The following ZDHHC13 variants were observed in gnomAD, a reference collection of about 807,000 sequenced individuals.
ZDHHC13 encodes palmitoyltransferase ZDHHC13.
ZDHHC13 carries 85 observed loss-of-function variants against 86.0 expected under a neutral mutation model. That is an observed-to-expected ratio of 0.99 (90% CI 0.83 to 1.18). The LOEUF is 1.18. ZDHHC13 is among the 50% of genes most tolerant of loss of function. ZDHHC13 has a pLI of 0.00. For synonymous variants in ZDHHC13, 263 were observed against 246.4 expected (o/e 1.07, Z -0.63); for missense variants, 711 against 730.2 (o/e 0.97, Z 0.30).
At chr11:19,166,243 T>C in intron 13 of ZDHHC13, 59 bp from the exon 14 acceptor site, 2 of 1,392,458 alleles carry the variant, frequency 1.4e-6, no homozygotes, top group South Asian at 1.3e-5. Context: ...AAGGAGGTCT[T>C]ATGTTGAAAA....
At chr11:19,124,106 C>G (rs894307323) in intron 1 of ZDHHC13, among the ~76,000 whole-genome samples, 2 of 151,882 alleles carry the variant, frequency 1.3e-5, no homozygotes, top group Non-Finnish European at 2.9e-5. Flanking sequence ...TGAAATCAAC[C>G]TGTGTCTCTA....
Position 19,176,108 on chromosome 11 carries a change from T to TA in ZDHHC13, c.*151dup. The TA allele has an allele frequency of 1.3e-6, 1 of 750,598 alleles. No individual in the cohort carries two copies. The allele number at this position is 750,598 out of a possible 1,614,324, so 46.5% of individuals were successfully genotyped here. A position where few individuals can be genotyped will look rare whatever the true frequency, so the allele number is the denominator to read the frequency against. The stretch of plus-strand genomic sequence containing the variant: ...GCCATTAGGTAAAAAAAGTTCTCAA[T>TA]AAAGGCATTACAATTTTTTAGGTTT... On this transcript the variant is annotated 3_prime_UTR_variant, in exon 17 of 17. Coordinates refer to ENST00000446113, the MANE Select transcript of ZDHHC13 (RefSeq NM_019028.3).
intron 1 of ZDHHC13, among the ~76,000 whole-genome samples, chr11:19,119,442 C>T (rs1031614919): frequency 2.0e-5 from 3 of 152,170 alleles, no homozygotes; most frequent in Non-Finnish European, 4.4e-5. Context: ...CCCGGTCATC[C>T]CCAGCCACAC....
chr11:19,117,146 G>T, upstream of ZDHHC13: 1 of 1,297,912 alleles, frequency 7.7e-7, no homozygotes, highest in Non-Finnish European at 1.1e-6. The surrounding 1 kb of genome is among the most constrained non-coding windows in gnomAD (Gnocchi z 4.2). Flanking sequence ...CGGAGGTGAG[G>T]GCGCCAGCAG....
chr11:19,146,521 G>C (rs1387346249), intron 3 of ZDHHC13, among the ~76,000 whole-genome samples: 1 of 152,160 alleles, frequency 6.6e-6, no homozygotes, highest in Non-Finnish European at 1.5e-5. Context: ...ATAAAGCCAA[G>C]GGGGCCAATC....
At chr11:19,119,858 T>TAA (rs2133352196) in intron 1 of ZDHHC13, among the ~76,000 whole-genome samples, 1 of 152,348 alleles carries the variant, frequency 6.6e-6, no homozygotes, top group Admixed American at 6.5e-5. Context: ...TAAACTCTGG[T>TAA]ACTTCTGTTA....
intron 1 of ZDHHC13, among the ~76,000 whole-genome samples, chr11:19,137,675 C>T (rs573337512): frequency 6.6e-5 from 10 of 152,290 alleles, no homozygotes; most frequent in African/African-American, 2.4e-4. Flanking sequence ...AAGTAAAGCT[C>T]TCCTCAGCAA....
At chr11:19,149,601 G>C (rs544379368) in intron 5 of ZDHHC13, among the ~76,000 whole-genome samples, 7 of 152,176 alleles carry the variant, frequency 4.6e-5, no homozygotes, top group Non-Finnish European at 7.4e-5. Context: ...GTAATTTGCA[G>C]AGTTTCTCAA....
At chr11:19,155,694 A>C in intron 8 of ZDHHC13, 102 bp from the exon 9 acceptor site, 1 of 1,247,796 alleles carries the variant, frequency 8.0e-7, no homozygotes, top group Non-Finnish European at 1.1e-6. Context: ...TTGTTGTATT[A>C]ATTGTTATTA....
At chr11:19,165,377 A>G (rs1296721573) in intron 13 of ZDHHC13, among the ~76,000 whole-genome samples, 1 of 152,158 alleles carries the variant, frequency 6.6e-6, no homozygotes, top group African/African-American at 2.4e-5. Context: ...TTATCTCCAT[A>G]TTACTTGTAA....
rs78907458 is a variant in ZDHHC13, at chr11:19,158,161, G to A, written c.1008-779G>A. On this transcript the variant is annotated intron_variant, in intron 9 of 16. Transcript: ENST00000446113. ...CAAATATGAACTTACCATTATTATG[G>A]TTATGATCCTGGTAGCTAATTTTTT... 6.8e-3 allele frequency among the ~76,000 whole-genome samples: 1,039 copies of A among 152,158 alleles called. 9 individuals are homozygous for A. Among genetic ancestry groups the A allele is most frequent in the African/African-American group, 0.024 (981 of 41,520 alleles).
chr11:19,152,345 TA>T, intron 7 of ZDHHC13, 25 bp downstream of exon 7: 3 of 1,605,434 alleles, frequency 1.9e-6, no homozygotes, highest in Non-Finnish European at 2.6e-6. Flanking sequence ...TTATCTCCCT[TA>T]GTTTATTATA....
At chr11:19,120,966 G>A (rs1208286515) in intron 1 of ZDHHC13, among the ~76,000 whole-genome samples, 4 of 152,184 alleles carry the variant, frequency 2.6e-5, no homozygotes, top group South Asian at 2.1e-4. Context: ...GCTTCAGGGC[G>A]TTAGTGAACA....
chr11:19,155,807 G>A lies in ZDHHC13; in HGVS notation c.885G>A (p.Leu295=), dbSNP rs373585793. The change falls in exon 9 of 17, where the codon CTG becomes CTA. Residue 295 remains leucine, a synonymous_variant. Transcript: ENST00000446113. ...GAATCTCTTAATAGCTCTTCCTGCT[G>A]CTGATGCTTTCTGTGATTACCATGT... ...RWLQKCELFL[L]LMLSVITMWA... is the part of the protein sequence containing the mutation. 6.2e-6 allele frequency: 10 copies of A among 1,611,474 alleles called. No individual in the cohort carries two copies. Among genetic ancestry groups the A allele is most frequent in the African/African-American group, 2.7e-5 (2 of 74,796 alleles).
chr11:19,166,680 C>A (rs1850079886), intron 14 of ZDHHC13: 2 of 199,756 alleles, frequency 1.0e-5, no homozygotes, highest in Non-Finnish European at 9.8e-6. Context: ...AAGTCAGCTG[C>A]TGAAGTACAA....
intron 8 of ZDHHC13, among the ~76,000 whole-genome samples, chr11:19,154,039 A>C (rs1451783254): frequency 6.6e-6 from 1 of 152,168 alleles, no homozygotes; most frequent in East Asian, 1.9e-4. Context: ...TCACATTCCT[A>C]TGATGTCTCC....
At chr11:19,136,588 G>A (rs1318716355) in intron 1 of ZDHHC13, among the ~76,000 whole-genome samples, 2 of 152,020 alleles carry the variant, frequency 1.3e-5, no homozygotes, top group Non-Finnish European at 2.9e-5. Context: ...GATACTCCTC[G>A]AGAAGAGCAA....
rs375843033 is a variant in ZDHHC13 at position 19,166,452 on chromosome 11, C to G, written c.1474+67C>G. On this transcript the variant is annotated intron_variant, in intron 14 of 16. Coordinates refer to ENST00000446113, the MANE Select transcript of ZDHHC13 (RefSeq NM_019028.3). ...CCCATTTCTACTTTTCCTTGTAAAC[C>G]CTTGTATATCACATTCTGGCTGGGT... 3.1e-5 allele frequency: 40 copies of G among 1,275,572 alleles called. No individual in the cohort carries two copies. In the Middle Eastern group the frequency reaches 1.7e-3, roughly 54 times the overall value. The allele number at this position is 1,275,572 out of a possible 1,614,324, so 79.0% of individuals were successfully genotyped here. A position where few individuals can be genotyped will look rare whatever the true frequency, so the allele number is the denominator to read the frequency against.
chr11:19,139,359 G>A (rs1849241688), intron 1 of ZDHHC13, among the ~76,000 whole-genome samples: 1 of 151,764 alleles, frequency 6.6e-6, no homozygotes, highest in Non-Finnish European at 1.5e-5. Flanking sequence ...ACTTACAAGG[G>A]ATGTGAAGGA....
Sources: gnomAD v4.1 joint callset for allele counts (sites outside exome capture counted in the v4.1 genomes callset) on GRCh38, gnomAD v4.1.1 for gene constraint, Gnocchi (gnomAD v3.1) non-coding constraint, MANE v1.5 for transcripts, NCBI Gene and HGNC (gene_info 2026-07-23, HGNC 2026-07-21) for gene names.